TATDN3: variants seen among roughly 807,000 people sequenced by gnomAD.
TATDN3 encodes the protein TatD DNase domain containing 3, also known as deoxyribonuclease TATDN3.
Under a neutral mutation model 40.1 loss-of-function variants are expected in TATDN3, and 29 were observed. That is an observed-to-expected ratio of 0.72 (90% CI 0.54 to 0.99). The LOEUF (loss-of-function observed/expected upper bound fraction) is 0.99. Ranked by LOEUF, TATDN3 falls within the 50% of genes least tolerant of loss-of-function variation. TATDN3 has a pLI of 0.00. For synonymous variants in TATDN3, 105 were observed against 117.0 expected (o/e 0.90, Z 0.66); for missense variants, 309 against 321.9 (o/e 0.96, Z 0.31).
intron 7 of TATDN3, among the ~76,000 whole-genome samples, chr1:212,806,744 CTCCATAT>C (rs1662499136): frequency 5.5e-5 from 4 of 72,074 alleles, no homozygotes; most frequent in African/African-American, 2.5e-4. Context: ...CTCTCTCTCT[CTCCATAT>C]ATATATATAT....
intron 8 of TATDN3, among the ~76,000 whole-genome samples, chr1:212,810,511 C>CAAAAAA (rs55912631): frequency 4.6e-4 from 23 of 49,714 alleles, no homozygotes; most frequent in African/African-American, 1.9e-3. Context: ...GACTCTGTCT[C>CAAAAAA]AAAAAAAAAA....
At chr1:212,806,747 CATATATATATATAT>C (rs71495077) in intron 7 of TATDN3, among the ~76,000 whole-genome samples, 6 of 43,988 alleles carry the variant, frequency 1.4e-4, no homozygotes, top group African/African-American at 3.8e-4. Context: ...TCTCTCTCTC[CATATATATATATAT>C]ATATATATAT....
chr1:212,792,947 A>C (rs898404018), intron 1 of TATDN3: 2 of 152,322 alleles, frequency 1.3e-5, no homozygotes, highest in Admixed American at 1.3e-4. Context: ...CTGACACTTA[A>C]GGCTGAAAAG....
intron 9 of TATDN3, among the ~76,000 whole-genome samples, chr1:212,813,566 C>CTTTTTT (rs202183479): frequency 4.6e-5 from 6 of 130,942 alleles, no homozygotes; most frequent in East Asian, 2.2e-4. Flanking sequence ...TCTTTCTTTT[C>CTTTTTT]TTTTTTTTTT....
chr1:212,807,541 C>G (rs566926848), intron 7 of TATDN3, among the ~76,000 whole-genome samples, 195 bp from the exon 8 acceptor site: 275 of 152,330 alleles, frequency 1.8e-3, no homozygotes, highest in African/African-American at 6.3e-3. Context: ...GTGTGAGCCA[C>G]TGTGCCTGGC....
chr1:212,812,815 T>G (rs984013670), intron 9 of TATDN3, among the ~76,000 whole-genome samples: 2 of 152,060 alleles, frequency 1.3e-5, no homozygotes, highest in Non-Finnish European at 2.9e-5. Context: ...CCAGCTTGAC[T>G]AACATGGAGA....
In TATDN3 at chr1:212,816,612, C is replaced by G. The variant is rs531383251; in HGVS notation, c.*1456C>G. The G allele has an allele frequency of 6.6e-6, 1 of 152,222 alleles. No individual in the cohort carries two copies. Among genetic ancestry groups the G allele is most frequent in the East Asian group, 1.9e-4 (1 of 5,178 alleles). 9.4% of individuals were successfully genotyped at this position (152,222 alleles called of 1,614,324 possible). The stretch of plus-strand genomic sequence containing the variant: ...ACCTGTCATAGAAAAAAATAAACTT[C>G]CTAAATCAAAGTGATTTTATGAAAT... On this transcript the variant is annotated 3_prime_UTR_variant, in exon 10 of 10. Coordinates refer to ENST00000366974, the MANE Select transcript of TATDN3 (RefSeq NM_001042552.3).
chr1:212,793,720 G>A (rs1452825498), intron 1 of TATDN3, among the ~76,000 whole-genome samples: 1 of 152,160 alleles, frequency 6.6e-6, no homozygotes, highest in African/African-American at 2.4e-5. Flanking sequence ...TGAAGAATTG[G>A]ATGTGGATAG....
chr1:212,816,669 T>G lies in TATDN3; in HGVS notation c.*1513T>G, dbSNP rs1663201147. On this transcript the variant is annotated 3_prime_UTR_variant, in exon 10 of 10. Transcript: ENST00000366974. ...CAATAAATATTTTGAAATGAATTCA[T>G]TTATGGAAGAATCAAAACTAGGTCA... The G allele has an allele frequency of 6.6e-6, 1 of 152,224 alleles. No individual in the cohort carries two copies. The allele number at this position is 152,224 out of a possible 1,614,324, so 9.4% of individuals were successfully genotyped here.
chr1:212,811,440 T>C (rs147951946), intron 8 of TATDN3, among the ~76,000 whole-genome samples: 66 of 152,038 alleles, frequency 4.3e-4, no homozygotes, highest in Admixed American at 8.5e-4. Flanking sequence ...ATTTTTGTAT[T>C]CTCAGTAGAG....
At chr1:212,804,270 T>G in intron 5 of TATDN3, 50 bp from the exon 6 acceptor site, 2 of 1,335,696 alleles carry the variant, frequency 1.5e-6, no homozygotes, top group Non-Finnish European at 2.1e-6. Flanking sequence ...AGATCTCTTT[T>G]GAGGTTCCTT....
At chr1:212,812,158 A>C in intron 8 of TATDN3, 90 bp from the exon 9 acceptor site, 1 of 812,654 alleles carries the variant, frequency 1.2e-6, no homozygotes, top group South Asian at 1.8e-5. Flanking sequence ...AAGTTATTGC[A>C]GAATAAAATG....
At chr1:212,806,719 G>C (rs562160035) in intron 7 of TATDN3, among the ~76,000 whole-genome samples, 4 of 112,414 alleles carry the variant, frequency 3.6e-5, no homozygotes, top group African/African-American at 1.3e-4. Context: ...TGAAGATTAA[G>C]AATTTATTCT....
rs1032462481 is a variant in TATDN3 at position 212,816,041 on chromosome 1, A to T, written c.*885A>T. 6.6e-6 allele frequency: 1 copy of T among 152,236 alleles called. No individual in the cohort carries two copies. Among genetic ancestry groups the T allele is most frequent in the East Asian group, 1.9e-4 (1 of 5,202 alleles). The allele number at this position is 152,236 out of a possible 1,614,324, so 9.4% of individuals were successfully genotyped here. ...CCAGTGGTTTAAACAATCATTATTG[A>T]ATACCAAGCCCAAAAGTTTAGTTAA... On this transcript the variant is annotated 3_prime_UTR_variant, in exon 10 of 10. Coordinates refer to ENST00000366974, the MANE Select transcript of TATDN3 (RefSeq NM_001042552.3).
chr1:212,796,618 G>C (rs1423423629), intron 3 of TATDN3, 28 bp downstream of exon 3: 73 of 1,477,844 alleles, frequency 4.9e-5, no homozygotes, highest in Non-Finnish European at 6.7e-5. Flanking sequence ...GATTTTAAAG[G>C]GTTGCTAATA....
chr1:212,799,746 C>A (rs1212734101), intron 4 of TATDN3, among the ~76,000 whole-genome samples: 1 of 152,070 alleles, frequency 6.6e-6, no homozygotes, highest in African/African-American at 2.4e-5. Flanking sequence ...GCCATGTTGG[C>A]CAGGCTGGTC....
chr1:212,804,833 TATG>T (rs1445542370), intron 7 of TATDN3, among the ~76,000 whole-genome samples, 182 bp downstream of exon 7: 10 of 152,224 alleles, frequency 6.6e-5, no homozygotes, highest in Middle Eastern at 3.2e-3. Flanking sequence ...TCAGTGTAAT[TATG>T]ATATTTCCCA....
intron 9 of TATDN3, 92 bp from the exon 10 acceptor site, chr1:212,814,921 T>C: frequency 7.0e-7 from 1 of 1,420,616 alleles, no homozygotes; most frequent in South Asian, 1.5e-5. Context: ...CATCAGTTGT[T>C]TTTACCAACT....
intron 8 of TATDN3, among the ~76,000 whole-genome samples, chr1:212,809,005 A>G (rs1174075830): frequency 6.6e-6 from 1 of 152,272 alleles, no homozygotes; most frequent in Non-Finnish European, 1.5e-5. Flanking sequence ...AATGGAATAT[A>G]AAGTCATAAA....
Sources: gnomAD v4.1 joint callset for allele counts (sites outside exome capture counted in the v4.1 genomes callset) on GRCh38, gnomAD v4.1.1 for gene constraint, MANE v1.5 for transcripts, NCBI Gene and HGNC (gene_info 2026-07-23, HGNC 2026-07-21) for gene names.